Variants in EBPL observed in about 807,000 individuals in gnomAD.
EBPL encodes emopamil-binding protein-like.
A neutral mutation model predicts 19.0 loss-of-function variants in EBPL; 20 were observed. The ratio of observed to expected loss-of-function variants is 1.05; its 90% CI spans 0.74 to 1.53. The LOEUF (loss-of-function observed/expected upper bound fraction) is 1.53. EBPL is among the 40% of genes most tolerant of loss of function. EBPL has a pLI of 0.00. For missense variants in EBPL, 219 were observed against 261.1 expected, an observed-to-expected ratio of 0.84 and a Z score of 1.11; for synonymous variants, 107 against 117.0, an observed-to-expected ratio of 0.91 and a Z score of 0.55.
chr13:49,668,428 G>T (rs576259937), intron 2 of EBPL: 7 of 241,658 alleles, frequency 2.9e-5, no homozygotes, highest in Admixed American at 1.1e-4. Flanking sequence ...AAAAAAATTA[G>T]CTAGGCGTGG....
chr13:49,690,303 G>A (rs1053187470), intron 1 of EBPL, among the ~76,000 whole-genome samples: 4 of 151,160 alleles, frequency 2.6e-5, no homozygotes, highest in Non-Finnish European at 5.9e-5. Context: ...AAGCCAACCC[G>A]TAAACATTTA....
intron 1 of EBPL, among the ~76,000 whole-genome samples, chr13:49,670,179 A>C (rs1953796279): frequency 6.6e-6 from 1 of 152,230 alleles, no homozygotes; most frequent in South Asian, 2.1e-4. Flanking sequence ...GCTCTAGATT[A>C]TTCCAGGGAT....
intron 2 of EBPL, among the ~76,000 whole-genome samples, chr13:49,663,930 A>C (rs974025328): frequency 3.4e-5 from 5 of 145,576 alleles, no homozygotes; most frequent in African/African-American, 1.0e-4. Flanking sequence ...GTCTCAAAAA[A>C]AAAAAAACAA....
At chr13:49,683,463 G>A (rs577327825) in intron 1 of EBPL, among the ~76,000 whole-genome samples, 2 of 152,114 alleles carry the variant, frequency 1.3e-5, no homozygotes, top group African/African-American at 4.8e-5. Flanking sequence ...CCCGGGAGGC[G>A]GAGCTTGCAG....
chr13:49,677,538 C>T (rs1238649791), intron 1 of EBPL, among the ~76,000 whole-genome samples: 1 of 152,200 alleles, frequency 6.6e-6, no homozygotes, highest in African/African-American at 2.4e-5. Context: ...TCAATAAAGA[C>T]GCCATGCAAA....
rs955367873 is a variant in EBPL at position 49,691,447 on chromosome 13, G to A, written c.-23C>T. ...CATGCTTCAGGCTTCCGACGCCAAC[G>A]GCCCAGGACCATGCGGCAGAGGAAA... On this transcript the variant is annotated 5_prime_UTR_variant, in exon 1 of 4. Coordinates refer to ENST00000242827, the MANE Select transcript of EBPL (RefSeq NM_032565.5). The A allele has an allele frequency of 7.6e-7, 1 of 1,308,078 alleles. No individual in the cohort carries two copies. The highest frequency in any genetic ancestry group is 9.7e-7 in the Non-Finnish European group (1 of 1,026,308). 81.0% of individuals were successfully genotyped at this position (1,308,078 alleles called of 1,614,324 possible).
At position 49,668,552 on chromosome 13, in the gene EBPL, G is replaced by C. The variant is rs372184086; in HGVS notation, c.241+1225C>G. 797 of 377,894 alleles carry C rather than the reference G, an allele frequency of 2.1e-3. 3 individuals carry two copies. The highest frequency in any genetic ancestry group is 3.1e-3 in the Non-Finnish European group (589 of 192,680). The allele number at this position is 377,894 out of a possible 1,614,324, so 23.4% of individuals were successfully genotyped here. A position where few individuals can be genotyped will look rare whatever the true frequency, so the allele number is the denominator to read the frequency against. ...TGGTGCCACTGTGCTCCAGCCTGGG[G>C]GACAGAGCGAGACTCGCCTGAAAAA... On this transcript the variant is annotated intron_variant, in intron 2 of 3. Transcript: ENST00000242827.
At chr13:49,674,528 G>A (rs1953854879) in intron 1 of EBPL, among the ~76,000 whole-genome samples, 1 of 149,896 alleles carries the variant, frequency 6.7e-6, no homozygotes, top group South Asian at 2.1e-4. Flanking sequence ...AAAATAAAAA[G>A]TTAATTAAAG....
At chr13:49,672,461 T>G (rs190839750) in intron 1 of EBPL, among the ~76,000 whole-genome samples, 1 of 152,328 alleles carries the variant, frequency 6.6e-6, no homozygotes, top group Admixed American at 6.5e-5. Flanking sequence ...AAACTGCCAG[T>G]TCTCTGAGGG....
At chr13:49,666,690 C>T (rs1272951568) in intron 2 of EBPL, among the ~76,000 whole-genome samples, 1 of 115,088 alleles carries the variant, frequency 8.7e-6, no homozygotes, top group East Asian at 2.8e-4. Flanking sequence ...CCAGCTTGGG[C>T]GAAAGAGTGA....
At chr13:49,666,727 A>AC (rs929586477) in intron 2 of EBPL, among the ~76,000 whole-genome samples, 14 of 150,380 alleles carry the variant, frequency 9.3e-5, no homozygotes, top group African/African-American at 1.5e-4. Context: ...AAAAAAAAAA[A>AC]AAAAAAACAA....
chr13:49,665,842 G>A (rs550844710), intron 2 of EBPL, among the ~76,000 whole-genome samples: 4 of 152,262 alleles, frequency 2.6e-5, no homozygotes, highest in African/African-American at 9.6e-5. Flanking sequence ...AGTAAGTGGC[G>A]GTTAGCGAAT....
chr13:49,678,815 T>A (rs1248666910), intron 1 of EBPL, among the ~76,000 whole-genome samples: 1 of 151,676 alleles, frequency 6.6e-6, no homozygotes, highest in Admixed American at 6.6e-5. Flanking sequence ...TGAGGCCTGT[T>A]AGCACGTTGT....
chr13:49,679,883 C>CTATA (rs67105374), intron 1 of EBPL, among the ~76,000 whole-genome samples: 1 of 144,210 alleles, frequency 6.9e-6, no homozygotes, highest in African/African-American at 2.5e-5. Flanking sequence ...TAGAGTCAAG[C>CTATA]TATATATATA....
At chr13:49,687,867 T>C (rs529868472) in intron 1 of EBPL, among the ~76,000 whole-genome samples, 68 of 152,276 alleles carry the variant, frequency 4.5e-4, no homozygotes, top group Admixed American at 4.1e-3. Context: ...ACTTAACACA[T>C]CACCACTAAA....
At chr13:49,666,534 A>C (rs1159959469) in intron 2 of EBPL, among the ~76,000 whole-genome samples, 18 of 151,942 alleles carry the variant, frequency 1.2e-4, no homozygotes, top group Admixed American at 1.2e-3. Context: ...AACATGGTGA[A>C]ACCCTGTCTC....
At chr13:49,686,968 C>T (rs908980313) in intron 1 of EBPL, among the ~76,000 whole-genome samples, 3 of 152,040 alleles carry the variant, frequency 2.0e-5, no homozygotes, top group South Asian at 2.1e-4. Context: ...GCTAATTTTT[C>T]GTAGAGATGA....
Position 49,691,362 on chromosome 13 carries a change from C to G in EBPL, c.63G>C (p.Leu21=), listed in dbSNP as rs765295851. ...AGGSLLLCAA[L]LAAGCALGLR... ...GGCCCAGGGCGCAGCCCGCCGCCAG[C>G]AGCGCGGCGCACAGCAGCAGCGAAC... The change falls in exon 1 of 4, where the codon CTG becomes CTC. Residue 21 remains leucine (L), a synonymous_variant. Coordinates refer to ENST00000242827, the MANE Select transcript of EBPL (RefSeq NM_032565.5). 1.5e-6 allele frequency: 2 copies of G among 1,360,586 alleles called. No individual in the cohort carries two copies. The highest frequency in any genetic ancestry group is 3.0e-5 in the Admixed American group (1 of 32,898). 84.3% of individuals were successfully genotyped at this position (1,360,586 alleles called of 1,614,324 possible).
At chr13:49,673,342 C>T (rs567677656) in intron 1 of EBPL, among the ~76,000 whole-genome samples, 2 of 152,170 alleles carry the variant, frequency 1.3e-5, no homozygotes, top group African/African-American at 4.8e-5. Context: ...AACAACTACA[C>T]GAATGTTCAT....
Sources: allele counts gnomAD v4.1 joint callset (sites outside exome capture counted in the v4.1 genomes callset), GRCh38; gene constraint gnomAD v4.1.1; transcripts MANE v1.5; gene names NCBI Gene and HGNC (gene_info 2026-07-23, HGNC 2026-07-21).